The following ZSCAN5A variants were observed in gnomAD, a reference collection of about 807,000 sequenced individuals.
ZSCAN5A encodes zinc finger and SCAN domain containing 5A, also known as zinc finger and SCAN domain-containing protein 5A.
Under a neutral mutation model 23.7 loss-of-function variants are expected in ZSCAN5A, and 12 were observed. The ratio of observed to expected loss-of-function variants is 0.51; its 90% CI spans 0.32 to 0.82. ZSCAN5A has a LOEUF of 0.82. Among genes scored for constraint, ZSCAN5A ranks in the 40% least tolerant of loss-of-function variants. ZSCAN5A has a pLI of 0.03. For missense variants in ZSCAN5A, 597 were observed against 617.9 expected (o/e 0.97, Z 0.36); for synonymous variants, 257 against 239.9 (o/e 1.07, Z -0.66).
intron 2 of ZSCAN5A, among the ~76,000 whole-genome samples, chr19:56,345,115 A>T (rs1268178588): frequency 6.6e-6 from 1 of 152,010 alleles, no homozygotes; most frequent in East Asian, 1.9e-4. Context: ...CAAAAAAAAA[A>T]ATGCAAACAA....
chr19:56,341,498 T>C (rs2041591582), intron 2 of ZSCAN5A, among the ~76,000 whole-genome samples: 1 of 152,062 alleles, frequency 6.6e-6, no homozygotes, highest in Non-Finnish European at 1.5e-5. Context: ...ATATATTCAA[T>C]ATAAGCTCTC....
At chr19:56,275,542 G>C (rs1282311685) in intron 2 of ZSCAN5A, among the ~76,000 whole-genome samples, 1 of 152,158 alleles carries the variant, frequency 6.6e-6, no homozygotes, top group African/African-American at 2.4e-5. Context: ...ACCAGCCTGG[G>C]CAACATAGTG....
upstream of ZSCAN5A, chr19:56,316,686 TTC>T (rs1014504923): frequency 4.6e-5 from 7 of 152,340 alleles, no homozygotes; most frequent in African/African-American, 1.4e-4. Context: ...TCTGTAAATT[TTC>T]TTTCATTGCC....
intron 2 of ZSCAN5A, among the ~76,000 whole-genome samples, chr19:56,251,950 T>C (rs2036372777): frequency 6.6e-6 from 1 of 152,176 alleles, no homozygotes; most frequent in Non-Finnish European, 1.5e-5. Context: ...CTGCAAAACC[T>C]AAAATATATA....
intron 2 of ZSCAN5A, among the ~76,000 whole-genome samples, chr19:56,310,671 G>A (rs1411251028): frequency 1.3e-5 from 2 of 152,204 alleles, no homozygotes; most frequent in East Asian, 3.9e-4. Flanking sequence ...TTTGTGTAAA[G>A]ATTTGGGGCT....
At chr19:56,277,916 T>A (rs1241654790) in intron 2 of ZSCAN5A, among the ~76,000 whole-genome samples, 2 of 152,164 alleles carry the variant, frequency 1.3e-5, no homozygotes, top group African/African-American at 4.8e-5. Context: ...TAAAAATATT[T>A]GAAAAATAAG....
At chr19:56,298,464 C>T (rs1324161308) in intron 2 of ZSCAN5A, among the ~76,000 whole-genome samples, 2 of 152,016 alleles carry the variant, frequency 1.3e-5, no homozygotes, top group South Asian at 2.1e-4. Flanking sequence ...GATGAAACCC[C>T]GTCTGGTGAA....
chr19:56,319,704 A>G (rs920502619), upstream of ZSCAN5A: 7 of 611,960 alleles, frequency 1.1e-5, no homozygotes, highest in Non-Finnish European at 2.1e-5. Context: ...AACTTCATTC[A>G]TAGCAAAATA....
At chr19:56,336,721 A>G (rs1555812511) in intron 2 of ZSCAN5A, among the ~76,000 whole-genome samples, 1 of 151,788 alleles carries the variant, frequency 6.6e-6, no homozygotes. Context: ...GGTTTTATCT[A>G]CCTTTGGTCT....
intron 2 of ZSCAN5A, among the ~76,000 whole-genome samples, chr19:56,358,638 C>T (rs560800356): frequency 2.6e-5 from 4 of 152,300 alleles, no homozygotes; most frequent in African/African-American, 4.8e-5. Context: ...TTTCTCAGTA[C>T]CACATGGCAC....
intron 2 of ZSCAN5A, among the ~76,000 whole-genome samples, chr19:56,230,814 CA>C (rs1232937350): frequency 1.3e-5 from 2 of 152,166 alleles, no homozygotes; most frequent in Non-Finnish European, 2.9e-5. Flanking sequence ...TGAACATCAG[CA>C]CTTAGCCTAG....
intron 2 of ZSCAN5A, chr19:56,340,638 T>C (rs1458834565): frequency 2.0e-5 from 3 of 152,220 alleles, no homozygotes; most frequent in African/African-American, 4.8e-5. Flanking sequence ...AATCCTGTTT[T>C]TATTGGCTTC....
At chr19:56,367,644 C>A (rs2041779411) in intron 1 of ZSCAN5A, among the ~76,000 whole-genome samples, 1 of 152,188 alleles carries the variant, frequency 6.6e-6, no homozygotes, top group African/African-American at 2.4e-5. Flanking sequence ...TTGTGCCAGG[C>A]ACATTTATGA....
rs181398101 is a variant in ZSCAN5A at position 56,273,405 on chromosome 19, C to G, written c.-128+39878G>C. On this transcript the variant is annotated intron_variant, in intron 2 of 5. Transcript: ENST00000683990. ...AACTCTGAGTTCCCATTTCCTCATT[C>G]GATCCACAAATGTTTATTCCTGGTT... Among the ~76,000 whole-genome samples, 23 of 152,296 alleles carry G rather than the reference C, an allele frequency of 1.5e-4. No individual in the cohort carries two copies. In the East Asian group the frequency reaches 1.5e-3, roughly 10 times the overall value.
intron 2 of ZSCAN5A, among the ~76,000 whole-genome samples, chr19:56,257,732 C>T (rs1423434401): frequency 1.4e-5 from 2 of 142,582 alleles, no homozygotes; most frequent in African/African-American, 5.2e-5. Context: ...ACACCTGGCT[C>T]CTGCCTCCTA....
chr19:56,234,497 T>TA (rs368156018), intron 2 of ZSCAN5A, among the ~76,000 whole-genome samples: 13 of 148,628 alleles, frequency 8.7e-5, no homozygotes, highest in South Asian at 6.4e-4. Context: ...ATACCTGTTT[T>TA]AAAAAAAAAA....
chr19:56,365,656 A>G (rs1440825667), intron 1 of ZSCAN5A: 5 of 152,262 alleles, frequency 3.3e-5, no homozygotes, highest in Non-Finnish European at 4.4e-5. Flanking sequence ...AAGTGAGGTC[A>G]CAAGGCAAGC....
chr19:56,271,153 TAATCAGAGA>T (rs1421615190), intron 2 of ZSCAN5A, among the ~76,000 whole-genome samples: 1 of 152,234 alleles, frequency 6.6e-6, no homozygotes, highest in Non-Finnish European at 1.5e-5. Flanking sequence ...AACGTAGGAC[TAATCAGAGA>T]AATCCAAATA....
chr19:56,327,353 G>T (rs2041444159), intron 2 of ZSCAN5A, among the ~76,000 whole-genome samples: 1 of 151,800 alleles, frequency 6.6e-6, no homozygotes, highest in South Asian at 2.1e-4. Context: ...CTGGCCTCAA[G>T]CAATTCTCCC....
Sources: allele counts gnomAD v4.1 joint callset (sites outside exome capture counted in the v4.1 genomes callset), GRCh38; gene constraint gnomAD v4.1.1; transcripts MANE v1.5; gene names NCBI Gene and HGNC (gene_info 2026-07-23, HGNC 2026-07-21).